Variants in GPHN observed in about 807,000 individuals in gnomAD.
The protein encoded by GPHN is gephyrin.
In GPHN, 17 loss-of-function variants were observed where a neutral mutation model predicts 95.5. The observed-to-expected ratio is 0.18, with a 90% CI of 0.12 to 0.27. GPHN has a LOEUF of 0.27. Ranked by LOEUF, GPHN falls within the 10% of genes least tolerant of loss-of-function variation. GPHN has a pLI of 1.00. For synonymous variants in GPHN, 320 were observed against 322.5 expected (o/e 0.99, Z 0.08); for missense variants, 660 against 978.1 (o/e 0.67, Z 4.34).
the GPHN span, among the ~76,000 whole-genome samples, chr14:67,276,971 T>C: frequency 6.6e-6 from 1 of 152,230 alleles, no homozygotes; most frequent in Non-Finnish European, 1.5e-5. Flanking sequence ...TTAAATTTGA[T>C]TTTTAATATC....
intron 2 of GPHN, among the ~76,000 whole-genome samples, chr14:66,761,520 A>G (rs769110174): frequency 1.8e-4 from 28 of 152,144 alleles, no homozygotes; most frequent in Non-Finnish European, 3.4e-4. Flanking sequence ...TGTTTGATGA[A>G]GCTTAATTAT....
chr14:67,542,085 A>G, the GPHN span: 107,997 of 1,207,086 alleles, frequency 0.089, 5,260 homozygotes, highest in Non-Finnish European at 0.1. Context: ...CGGAAAGTCA[A>G]CTTTCAGTAA....
At chr14:67,224,771 C>A in the GPHN span, 1 of 248,456 alleles carries the variant, frequency 4.0e-6, no homozygotes, top group East Asian at 1.3e-4. Context: ...CCTTCCTACC[C>A]TTACCCATCT....
chr14:66,738,189 G>T (rs2072465482), intron 2 of GPHN, among the ~76,000 whole-genome samples: 1 of 152,116 alleles, frequency 6.6e-6, no homozygotes, highest in Non-Finnish European at 1.5e-5. Context: ...ATTCATTCTT[G>T]AACGGTTACC....
chr14:67,362,219 C>G, the GPHN span, among the ~76,000 whole-genome samples: 1 of 151,680 alleles, frequency 6.6e-6, no homozygotes, highest in Non-Finnish European at 1.5e-5. Context: ...GGGGTTTCAC[C>G]ATGTTGACCA....
rs143415604 is a variant in GPHN, at chr14:67,026,339, GTTACTA to G, written c.1006+2671_1006+2676del. 3.4e-3 allele frequency among the ~76,000 whole-genome samples: 521 copies of G among 152,158 alleles called. 3 individuals are homozygous for G. Among genetic ancestry groups the G allele is most frequent in the African/African-American group, 0.012 (483 of 41,504 alleles). ...TCAGTAAATGTTAGCTGATATTATT[GTTACTA>G]TTACTACTAATACTACCAATTACCA... is the stretch of plus-strand genomic sequence containing the variant. On this transcript the variant is annotated intron_variant, in intron 10 of 22. Coordinates refer to ENST00000478722, the MANE Select transcript of GPHN (RefSeq NM_020806.5).
Position 66,707,970 on chromosome 14 carries a change from AT to A in GPHN, c.143+26787del, listed in dbSNP as rs2069250866. 3.3e-5 allele frequency among the ~76,000 whole-genome samples: 5 copies of A among 152,250 alleles called. No individual in the cohort carries two copies. The South Asian group carries it at 1.0e-3, about 32-fold the overall frequency. ...CTCTTCTGCCTATCTTGAAATATACATTGCATTCTTATTAGCTATAGTCACC... is the reference window on the plus strand; with the variant it reads ...CTCTTCTGCCTATCTTGAAATATACATGCATTCTTATTAGCTATAGTCACC... On this transcript the variant is annotated intron_variant, in intron 2 of 22. Coordinates refer to ENST00000478722, the MANE Select transcript of GPHN (RefSeq NM_020806.5).
At chr14:67,320,156 A>G in the GPHN span, 1 of 1,369,742 alleles carries the variant, frequency 7.3e-7, no homozygotes, top group Non-Finnish European at 9.7e-7. Context: ...TTTTGGGTGA[A>G]GATCTATGAG....
chr14:66,816,411 C>G (rs947986507), intron 3 of GPHN, among the ~76,000 whole-genome samples: 1 of 152,156 alleles, frequency 6.6e-6, no homozygotes, highest in Admixed American at 6.6e-5. Flanking sequence ...AAGTAAAACG[C>G]TCTTGAGGAA....
the GPHN span, among the ~76,000 whole-genome samples, chr14:67,322,269 G>T: frequency 1.3e-5 from 2 of 152,094 alleles, no homozygotes; most frequent in Non-Finnish European, 2.9e-5. Context: ...AATCGCCTGA[G>T]CCAGGGAGGC....
intron 2 of GPHN, among the ~76,000 whole-genome samples, chr14:66,682,835 A>AAAT (rs2067023821): frequency 6.6e-6 from 1 of 152,180 alleles, no homozygotes; most frequent in African/African-American, 2.4e-5. Context: ...AATATGATGA[A>AAAT]AATATTTGCT....
chr14:67,541,937 C>G, the GPHN span: 1 of 1,607,262 alleles, frequency 6.2e-7, no homozygotes, highest in Admixed American at 1.7e-5. Flanking sequence ...CCTGGAAACT[C>G]AGCTTTTCCG....
At chr14:67,546,399 T>C in the GPHN span, among the ~76,000 whole-genome samples, 1 of 152,038 alleles carries the variant, frequency 6.6e-6, no homozygotes, top group Admixed American at 6.5e-5. Flanking sequence ...TGTTTTGTTT[T>C]TGTTTTTGTT....
chr14:67,128,436 T>C (rs955176701), intron 17 of GPHN, among the ~76,000 whole-genome samples: 4 of 152,160 alleles, frequency 2.6e-5, no homozygotes, highest in Non-Finnish European at 4.4e-5. Context: ...TTTCTACTTT[T>C]TTCCCAAAAT....
chr14:67,070,715 A>AAAAATATATATATAT, intron 11 of GPHN, among the ~76,000 whole-genome samples: 17 of 80,700 alleles, frequency 2.1e-4, no homozygotes, highest in South Asian at 8.5e-4. Flanking sequence ...AAAAAAAAAA[A>AAAAATATATATATAT]ATATATATAT....
chr14:66,898,284 G>A (rs2064957704), intron 5 of GPHN, among the ~76,000 whole-genome samples: 1 of 151,192 alleles, frequency 6.6e-6, no homozygotes, highest in Non-Finnish European at 1.5e-5. Flanking sequence ...CTTCACCTAG[G>A]CAAAGGTCCA....
At chr14:67,710,726 C>CT in the GPHN span, among the ~76,000 whole-genome samples, 50 of 147,234 alleles carry the variant, frequency 3.4e-4, no homozygotes, top group Middle Eastern at 3.5e-3. Context: ...AAAGGACACA[C>CT]TTTTTTTTTT....
chr14:67,169,575 AT>A (rs1261613767), intron 21 of GPHN, among the ~76,000 whole-genome samples: 1 of 152,210 alleles, frequency 6.6e-6, no homozygotes, highest in Non-Finnish European at 1.5e-5. Flanking sequence ...TCACCTGGAA[AT>A]TAGGTCTCCT....
At chr14:67,003,628 A>G (rs1434480271) in intron 9 of GPHN, among the ~76,000 whole-genome samples, 1 of 151,684 alleles carries the variant, frequency 6.6e-6, no homozygotes, top group African/African-American at 2.4e-5. Context: ...CCACAGCATC[A>G]TCAATCACTG....
Sources: allele counts gnomAD v4.1 joint callset (sites outside exome capture counted in the v4.1 genomes callset), GRCh38; gene constraint gnomAD v4.1.1; transcripts MANE v1.5; gene names NCBI Gene and HGNC (gene_info 2026-07-23, HGNC 2026-07-21).